The following KCNK13 variants were observed in gnomAD, a reference collection of about 807,000 sequenced individuals.
KCNK13 encodes potassium two pore domain channel subfamily K member 13.
A neutral mutation model predicts 23.4 loss-of-function variants in KCNK13; 12 were observed. That is an observed-to-expected ratio of 0.51 (90% CI 0.33 to 0.83). The LOEUF is 0.83. KCNK13 is among the 40% of genes least tolerant of loss of function. The pLI is 0.02. For synonymous variants in KCNK13, 231 were observed against 229.5 expected (o/e 1.01, Z -0.06); for missense variants, 463 against 556.3 (o/e 0.83, Z 1.69).
intron 1 of KCNK13, among the ~76,000 whole-genome samples, chr14:90,181,735 T>A (rs1417599663): frequency 1.3e-5 from 2 of 152,202 alleles, no homozygotes; most frequent in Non-Finnish European, 2.9e-5. Context: ...AAGGACTACC[T>A]GAGAATGTTC....
rs141670518 is a variant in KCNK13, at chr14:90,087,129, C to CATATATAT, written c.334+24609_334+24616dup. On this transcript the variant is annotated intron_variant, in intron 1 of 1. Transcript: ENST00000282146. ...TTATATATATATACATATATATATA[C>CATATATAT]ATATATATATATATATATATATATA... 2.2e-4 allele frequency among the ~76,000 whole-genome samples: 28 copies of CATATATAT among 124,682 alleles called. No individual in the cohort carries two copies. The East Asian group carries it at 3.0e-3, about 13-fold the overall frequency. The allele number at this position is 124,682 out of a possible 152,430, so 81.8% of individuals were successfully genotyped here. A position where few individuals can be genotyped will look rare whatever the true frequency, so the allele number is the denominator to read the frequency against.
At chr14:90,089,286 G>T (rs1889316064) in intron 1 of KCNK13, among the ~76,000 whole-genome samples, 1 of 152,202 alleles carries the variant, frequency 6.6e-6, no homozygotes, top group South Asian at 2.1e-4. Context: ...AGACAAAGAT[G>T]AAGAACTTGT....
At chr14:90,063,087 C>T (rs143918196) in intron 1 of KCNK13, among the ~76,000 whole-genome samples, 9 of 152,120 alleles carry the variant, frequency 5.9e-5, no homozygotes, top group African/African-American at 2.2e-4. Context: ...GGAAAATTTT[C>T]CACCAGGAAG....
intron 1 of KCNK13, among the ~76,000 whole-genome samples, chr14:90,132,932 A>G (rs1889892484): frequency 6.6e-6 from 1 of 152,014 alleles, no homozygotes; most frequent in African/African-American, 2.4e-5. Context: ...CCTCACTGGT[A>G]TTTGTACTGA....
chr14:90,184,027 C>G lies in KCNK13; in HGVS notation c.335-84C>G. The stretch of plus-strand genomic sequence containing the variant: ...GATTTTATGAAACTCTCTTTAGGTC[C>G]TTTGCCAGCCATCAAAGCCAAGACC... On this transcript the variant is annotated intron_variant, in intron 1 of 1. Coordinates refer to ENST00000282146, the MANE Select transcript of KCNK13 (RefSeq NM_022054.4). The surrounding 1 kb of genome is among the most constrained non-coding windows in gnomAD (Gnocchi z 5.6). The G allele has an allele frequency of 2.4e-6, 3 of 1,238,942 alleles. No individual in the cohort carries two copies. Among genetic ancestry groups the G allele is most frequent in the Non-Finnish European group, 2.3e-6 (2 of 877,308 alleles). The allele number at this position is 1,238,942 out of a possible 1,614,324, so 76.7% of individuals were successfully genotyped here. A position where few individuals can be genotyped will look rare whatever the true frequency, so the allele number is the denominator to read the frequency against.
chr14:90,084,965 T>A (rs1439152452), intron 1 of KCNK13, among the ~76,000 whole-genome samples: 1 of 152,112 alleles, frequency 6.6e-6, no homozygotes, highest in Non-Finnish European at 1.5e-5. Flanking sequence ...TATTTTGAGA[T>A]GGAGTTTCAC....
chr14:90,175,627 G>T (rs1373594849), intron 1 of KCNK13, among the ~76,000 whole-genome samples: 1 of 152,166 alleles, frequency 6.6e-6, no homozygotes, highest in Non-Finnish European at 1.5e-5. Flanking sequence ...AGGGAAACAG[G>T]TGCCTGTTGA....
At chr14:90,181,011 C>T (rs1224211399) in intron 1 of KCNK13, among the ~76,000 whole-genome samples, 1 of 152,216 alleles carries the variant, frequency 6.6e-6, no homozygotes, top group African/African-American at 2.4e-5. Flanking sequence ...CACATGCCAC[C>T]ACGCCCAGCT....
chr14:90,102,436 T>C (rs1363725960), intron 1 of KCNK13, among the ~76,000 whole-genome samples: 1 of 152,184 alleles, frequency 6.6e-6, no homozygotes. Context: ...TGTGCTGCAA[T>C]GCTGGGTGGC....
intron 1 of KCNK13, among the ~76,000 whole-genome samples, chr14:90,139,966 A>G (rs1015198970): frequency 6.6e-6 from 1 of 152,112 alleles, no homozygotes; most frequent in Non-Finnish European, 1.5e-5. Flanking sequence ...CGTCTCAAAA[A>G]CAAACAAAAA....
chr14:90,079,893 G>A lies in KCNK13; in HGVS notation c.334+17354G>A, dbSNP rs533341508. Among the ~76,000 whole-genome samples the A allele has an allele frequency of 4.9e-4, 74 of 152,306 alleles. 1 individual carries two copies. Among genetic ancestry groups the A allele is most frequent in the African/African-American group, 1.8e-3 (73 of 41,556 alleles). The stretch of plus-strand genomic sequence containing the variant: ...GGTCAAGGTCACACGTCCACCTCTG[G>A]TGTGAGCAGGGAGTGGGTGTGTTGG... On this transcript the variant is annotated intron_variant, in intron 1 of 1. Coordinates refer to ENST00000282146, the MANE Select transcript of KCNK13 (RefSeq NM_022054.4).
At chr14:90,077,065 C>T (rs570540234) in intron 1 of KCNK13, among the ~76,000 whole-genome samples, 15 of 150,758 alleles carry the variant, frequency 9.9e-5, no homozygotes, top group South Asian at 2.1e-4. Flanking sequence ...GTGATCCGCC[C>T]GCCTCAGCCT....
chr14:90,095,053 A>G (rs1889395530), intron 1 of KCNK13, among the ~76,000 whole-genome samples: 1 of 152,216 alleles, frequency 6.6e-6, no homozygotes, highest in Admixed American at 6.5e-5. Context: ...TAAATGGATT[A>G]CGTGTTATCC....
chr14:90,184,167 G>A lies in KCNK13; in HGVS notation c.391G>A (p.Gly131Ser), dbSNP rs561370992. The A allele has an allele frequency of 1.5e-5, 24 of 1,614,018 alleles. No homozygotes were observed. The highest frequency in any genetic ancestry group is 1.2e-4 in the Admixed American group (7 of 60,006). ...VGGKIFLIFYGLVGCSSTILF... is the reference protein window; with the variant it reads ...VGGKIFLIFYSLVGCSSTILF... ...AGGAAAAATCTTTCTGATCTTTTACGGCCTTGTTGGGTGTTCCAGCACCAT... is the reference window on the plus strand; with the variant it reads ...AGGAAAAATCTTTCTGATCTTTTACAGCCTTGTTGGGTGTTCCAGCACCAT... The change falls in exon 2 of 2, where the codon GGC becomes AGC. Residue 131 changes from glycine to serine, a missense_variant. Around this residue, in one of 3 missense-constraint regions of KCNK13, gnomAD observed 144 missense variants for 224.0 expected, o/e 0.64. Coordinates refer to ENST00000282146, the MANE Select transcript of KCNK13 (RefSeq NM_022054.4). This position sits in a 1 kb window ranked among gnomAD's most constrained non-coding sequence, Gnocchi z 5.6.
At position 90,185,498 on chromosome 14, in the gene KCNK13, C is replaced by T. The variant is rs1448443338; in HGVS notation, c.*495C>T. 6.5e-6 allele frequency: 1 copy of T among 153,894 alleles called. No homozygotes were observed. The highest frequency in any genetic ancestry group is 1.4e-5 in the Non-Finnish European group (1 of 69,334). The allele number at this position is 153,894 out of a possible 1,614,324, so 9.5% of individuals were successfully genotyped here. On this transcript the variant is annotated 3_prime_UTR_variant, in exon 2 of 2. Coordinates refer to ENST00000282146, the MANE Select transcript of KCNK13 (RefSeq NM_022054.4). ...TTTGCCAGGCTTCCTTCAAAGCATACCTGCCAATGGTGTCTGCATAGGGAA... is the reference window on the plus strand; with the variant it reads ...TTTGCCAGGCTTCCTTCAAAGCATATCTGCCAATGGTGTCTGCATAGGGAA...
At chr14:90,092,993 T>C (rs1374836416) in intron 1 of KCNK13, among the ~76,000 whole-genome samples, 7 of 151,334 alleles carry the variant, frequency 4.6e-5, no homozygotes. Context: ...TCTTAGACCC[T>C]TAATTTGCGC....
chr14:90,094,476 C>CT (rs1394150321), intron 1 of KCNK13, among the ~76,000 whole-genome samples: 1 of 152,074 alleles, frequency 6.6e-6, no homozygotes, highest in Non-Finnish European at 1.5e-5. Flanking sequence ...TTTCCTCTTC[C>CT]TGTGGCTAAA....
chr14:90,176,308 GT>G (rs1890421439), intron 1 of KCNK13, among the ~76,000 whole-genome samples: 2 of 152,108 alleles, frequency 1.3e-5, no homozygotes, highest in Admixed American at 6.6e-5. Flanking sequence ...CATGAAGTCT[GT>G]CCAGCTTTGA....
At chr14:90,150,350 C>G (rs1433386984) in intron 1 of KCNK13, among the ~76,000 whole-genome samples, 2 of 151,048 alleles carry the variant, frequency 1.3e-5, no homozygotes, top group African/African-American at 4.9e-5. Flanking sequence ...TGTACTGGCT[C>G]ACACCTGTAA....
Sources: allele counts gnomAD v4.1 joint callset (sites outside exome capture counted in the v4.1 genomes callset), GRCh38; gene constraint gnomAD v4.1.1; regional missense constraint gnomAD v4.1.1; non-coding constraint Gnocchi (gnomAD v3.1); transcripts MANE v1.5; gene names NCBI Gene and HGNC (gene_info 2026-07-23, HGNC 2026-07-21).